The following TIAM1 variants were observed in gnomAD, a reference collection of about 807,000 sequenced individuals.
TIAM1 encodes TIAM Rac1 associated GEF 1.
TIAM1 carries 65 observed loss-of-function variants against 163.5 expected under a neutral mutation model. The observed-to-expected ratio is 0.40, with a 90% CI of 0.33 to 0.49. The LOEUF (loss-of-function observed/expected upper bound fraction) is 0.49. Among genes scored for constraint, TIAM1 ranks in the 20% least tolerant of loss-of-function variants. The probability of loss-of-function intolerance (pLI) is 0.77; values close to 1 mark genes in which losing one functional copy is unlikely to be tolerated. For synonymous variants in TIAM1, 833 were observed against 810.1 expected, an observed-to-expected ratio of 1.03 and a Z score of -0.48; for missense variants, 1,789 against 2,044.7, an observed-to-expected ratio of 0.87 and a Z score of 2.41.
intron 13 of TIAM1, among the ~76,000 whole-genome samples, chr21:31,191,021 G>A (rs1166992943): frequency 6.6e-6 from 1 of 152,130 alleles, no homozygotes; most frequent in African/African-American, 2.4e-5. Flanking sequence ...TTAATCCAGA[G>A]GCAATCAGAT....
chr21:31,221,758 G>A (rs143384479), intron 8 of TIAM1, among the ~76,000 whole-genome samples: 113 of 152,252 alleles, frequency 7.4e-4, no homozygotes, highest in African/African-American at 2.2e-3. Context: ...ATAAAAATGC[G>A]TCCTCAATGG....
At chr21:31,265,432 G>A (rs1011303442) in intron 4 of TIAM1, among the ~76,000 whole-genome samples, 3 of 151,714 alleles carry the variant, frequency 2.0e-5, no homozygotes, top group Admixed American at 6.6e-5. Context: ...TATTCCTTCC[G>A]CTACACCTCC....
At chr21:31,508,750 G>A (rs539349986) in intron 1 of TIAM1, among the ~76,000 whole-genome samples, 131 of 152,248 alleles carry the variant, frequency 8.6e-4, no homozygotes, top group Non-Finnish European at 1.7e-3. Flanking sequence ...CTCAGCTTCT[G>A]ACTCTGTAGG....
chr21:31,118,552 T>C lies in TIAM1; in HGVS notation c.*1816A>G. The C allele has an allele frequency of 2.1e-6, 1 of 471,440 alleles. No homozygotes were observed. The highest frequency in any genetic ancestry group is 4.4e-6 in the Non-Finnish European group (1 of 227,128). The allele number at this position is 471,440 out of a possible 1,614,324, so 29.2% of individuals were successfully genotyped here. A position where few individuals can be genotyped will look rare whatever the true frequency, so the allele number is the denominator to read the frequency against. On this transcript the variant is annotated 3_prime_UTR_variant, in exon 28 of 28. Transcript: ENST00000541036. ...TTTTGACATAGACACGTCATGACCT[T>C]ATGTACAAGAGACAATGGCACCCTC... is the stretch of plus-strand genomic sequence containing the variant.
intron 2 of TIAM1, among the ~76,000 whole-genome samples, chr21:31,424,512 A>G (rs932829147): frequency 2.0e-5 from 3 of 152,240 alleles, no homozygotes; most frequent in African/African-American, 2.4e-5. Context: ...CCTTGAAGAC[A>G]TTATGCTAAC....
intron 2 of TIAM1, among the ~76,000 whole-genome samples, chr21:31,416,966 C>G (rs1294375073): frequency 6.6e-6 from 1 of 152,172 alleles, no homozygotes. Context: ...TCTGTTTTGA[C>G]GCTGCTGATA....
chr21:31,214,878 T>C (rs932387350), intron 9 of TIAM1, among the ~76,000 whole-genome samples: 3 of 152,080 alleles, frequency 2.0e-5, no homozygotes, highest in African/African-American at 4.8e-5. Flanking sequence ...CCTCCCACCT[T>C]GGCCTCCTAA....
chr21:31,377,033 C>CT (rs35487868), intron 2 of TIAM1, among the ~76,000 whole-genome samples: 4,998 of 80,920 alleles, frequency 0.062, 314 homozygotes, highest in East Asian at 0.25. Context: ...TCATTTTTGT[C>CT]TTTTTTTTTT....
intron 6 of TIAM1, among the ~76,000 whole-genome samples, chr21:31,240,418 C>T (rs750420796): frequency 2.0e-5 from 3 of 152,146 alleles, no homozygotes; most frequent in Non-Finnish European, 2.9e-5. Flanking sequence ...TTTTAAATTG[C>T]TCTATTTCCA....
chr21:31,542,382 G>A (rs1601038896), intron 1 of TIAM1, among the ~76,000 whole-genome samples: 2 of 151,434 alleles, frequency 1.3e-5, no homozygotes, highest in Non-Finnish European at 2.9e-5. Context: ...AGCCGAGACC[G>A]CGCCACTGCA....
chr21:31,228,237 A>AT (rs1569068784), intron 6 of TIAM1, among the ~76,000 whole-genome samples: 4 of 47,672 alleles, frequency 8.4e-5, no homozygotes, highest in African/African-American at 1.7e-4. Context: ...AAAAAAAAAA[A>AT]AAAAAAAAAA....
At chr21:31,433,720 C>T (rs530999997) in intron 2 of TIAM1, among the ~76,000 whole-genome samples, 11 of 152,348 alleles carry the variant, frequency 7.2e-5, no homozygotes, top group African/African-American at 2.6e-4. Flanking sequence ...ACAGACACAA[C>T]TTAATGATCA....
At position 31,187,040 on chromosome 21, in the gene TIAM1, C is replaced by T. The variant is rs753919781; in HGVS notation, c.2623G>A (p.Val875Met). The T allele has an allele frequency of 1.2e-5, 19 of 1,614,018 alleles. No individual in the cohort carries two copies. Among genetic ancestry groups the T allele is most frequent in the Admixed American group, 3.3e-5 (2 of 59,998 alleles). ...VEEDGIRRLYVNSVKETGLAS... is the reference protein window; with the variant it reads ...VEEDGIRRLYMNSVKETGLAS... ...AAACCGGTTTCCTTCACACTATTCACGTACAGCCTTCGAATACCATCTTCT... is the reference window on the plus strand; with the variant it reads ...AAACCGGTTTCCTTCACACTATTCATGTACAGCCTTCGAATACCATCTTCT... Residue 875 changes from valine to methionine, a missense_variant, in exon 14 of 28, where the codon GTG (valine) becomes ATG (methionine). Physicochemically the swap from Val to Met is conservative, Grantham distance 21 (BLOSUM62 1). This residue lies in a region of TIAM1 where 456 missense variants were observed against 586.6 expected (regional missense o/e 0.78). Coordinates refer to ENST00000541036, the MANE Select transcript of TIAM1 (RefSeq NM_001353694.2).
At chr21:31,389,334 G>A (rs1027768505) in intron 2 of TIAM1, among the ~76,000 whole-genome samples, 6 of 152,172 alleles carry the variant, frequency 3.9e-5, no homozygotes, top group South Asian at 2.1e-4. Flanking sequence ...TCAGCCTCCC[G>A]AGTAGCTGTG....
At chr21:31,544,751 C>T (rs1043938893) in intron 1 of TIAM1, among the ~76,000 whole-genome samples, 4 of 152,108 alleles carry the variant, frequency 2.6e-5, no homozygotes, top group East Asian at 1.9e-4. Context: ...CGGTGGCTCA[C>T]GCCTGTAATC....
Position 31,119,576 on chromosome 21 carries a change from A to G in TIAM1, c.*792T>C, listed in dbSNP as rs1175301469. Reference sequence around the variant, plus strand: ...CACCACGCCTCACTCTCTCTGTAAAAGGTTATATCCTCATTTTTTAGGCTC... The same window carrying G: ...CACCACGCCTCACTCTCTCTGTAAAGGGTTATATCCTCATTTTTTAGGCTC... On this transcript the variant is annotated 3_prime_UTR_variant, in exon 28 of 28. Coordinates refer to ENST00000541036, the MANE Select transcript of TIAM1 (RefSeq NM_001353694.2). 1 of 152,632 alleles carries G rather than the reference A, an allele frequency of 6.6e-6. No individual in the cohort carries two copies. The highest frequency in any genetic ancestry group is 2.4e-5 in the African/African-American group (1 of 41,448). 9.5% of individuals were successfully genotyped at this position (152,632 alleles called of 1,614,324 possible).
chr21:31,447,866 A>G (rs997995144), intron 2 of TIAM1, among the ~76,000 whole-genome samples: 1 of 152,228 alleles, frequency 6.6e-6, no homozygotes, highest in Admixed American at 6.5e-5. Flanking sequence ...GGAGGTTAAC[A>G]TATCTGAAGA....
intron 2 of TIAM1, among the ~76,000 whole-genome samples, chr21:31,323,750 G>C (rs771318707): frequency 6.6e-6 from 1 of 152,160 alleles, no homozygotes; most frequent in Non-Finnish European, 1.5e-5. Context: ...AGAATCGCTA[G>C]AGCCCGGGAG....
chr21:31,555,129 TTTA>T (rs1427106554), intron 1 of TIAM1, among the ~76,000 whole-genome samples: 2 of 152,168 alleles, frequency 1.3e-5, no homozygotes, highest in Non-Finnish European at 2.9e-5. Context: ...GAATGTCTCT[TTTA>T]TTATTTTTTT....
Sources: gnomAD v4.1 joint callset for allele counts (sites outside exome capture counted in the v4.1 genomes callset) on GRCh38, gnomAD v4.1.1 for gene constraint, gnomAD v4.1.1 regional missense constraint, MANE v1.5 for transcripts, NCBI Gene and HGNC (gene_info 2026-07-23, HGNC 2026-07-21) for gene names.